Variants in DOCK2 observed in about 807,000 individuals in gnomAD.
The protein encoded by DOCK2 is dedicator of cytokinesis protein 2.
In DOCK2, 87 loss-of-function variants were observed where a neutral mutation model predicts 248.9. The observed-to-expected ratio is 0.35, with a 90% confidence interval of 0.29 to 0.42. The LOEUF (loss-of-function observed/expected upper bound fraction) is 0.42. Ranked by LOEUF, DOCK2 falls within the 10% of genes least tolerant of loss-of-function variation. The pLI is 1.00. For synonymous variants in DOCK2, 805 were observed against 821.6 expected, an observed-to-expected ratio of 0.98 and a Z score of 0.35; for missense variants, 1,747 against 2,300.2, an observed-to-expected ratio of 0.76 and a Z score of 4.92.
intron 2 of DOCK2, among the ~76,000 whole-genome samples, chr5:169,666,872 G>A (rs1758764184): frequency 6.6e-6 from 1 of 152,196 alleles, no homozygotes; most frequent in South Asian, 2.1e-4. Flanking sequence ...GAAGCATGTA[G>A]CCCAGTGCAA....
intron 1 of DOCK2, 27 bp from the exon 2 acceptor site, chr5:169,654,376 C>T (rs756543562): frequency 2.5e-6 from 4 of 1,613,106 alleles, no homozygotes; most frequent in Non-Finnish European, 3.4e-6. Flanking sequence ...GAGGTCTCAC[C>T]TAGCTGTCTT....
chr5:169,942,260 G>C (rs1776272327), intron 27 of DOCK2, among the ~76,000 whole-genome samples: 1 of 152,102 alleles, frequency 6.6e-6, no homozygotes, highest in Admixed American at 6.5e-5. Context: ...TATCTTCCTT[G>C]GTCTATTCTC....
intron 27 of DOCK2, among the ~76,000 whole-genome samples, chr5:169,850,996 C>A (rs1770594346): frequency 6.6e-6 from 1 of 152,194 alleles, no homozygotes; most frequent in African/African-American, 2.4e-5. Context: ...TCAGTTACAA[C>A]ATTACCACAT....
intron 30 of DOCK2, among the ~76,000 whole-genome samples, chr5:169,998,685 A>G (rs1461309563): frequency 6.6e-6 from 1 of 152,234 alleles, no homozygotes; most frequent in Admixed American, 6.5e-5. Context: ...AGTTGGGACC[A>G]GAACACAGTG....
rs1422409911 is a variant in DOCK2, at chr5:169,668,755, A to C, written c.128-533A>C. On this transcript the variant is annotated intron_variant, in intron 2 of 51. Coordinates refer to ENST00000520908, the MANE Select transcript of DOCK2 (RefSeq NM_004946.3). Reference sequence around the variant, plus strand: ...TCCCTGTCCCTTTATCTGTCCCTAAACTTACTTGTTTTGTAACGACTAACT... The same window carrying C: ...TCCCTGTCCCTTTATCTGTCCCTAACCTTACTTGTTTTGTAACGACTAACT... 3.3e-5 allele frequency among the ~76,000 whole-genome samples: 5 copies of C among 152,136 alleles called. No homozygotes were observed. In the East Asian group the frequency reaches 9.6e-4, roughly 29 times the overall value.
At chr5:169,896,398 T>G (rs1479121236) in intron 27 of DOCK2, among the ~76,000 whole-genome samples, 21 of 152,214 alleles carry the variant, frequency 1.4e-4, no homozygotes. Context: ...TAGATTTCAA[T>G]GCTGGCTCTG....
At chr5:169,901,618 AG>A (rs1773931199) in intron 27 of DOCK2, among the ~76,000 whole-genome samples, 1 of 152,216 alleles carries the variant, frequency 6.6e-6, no homozygotes, top group South Asian at 2.1e-4. Context: ...GGTAACAGTA[AG>A]ATGATGAGAA....
intron 13 of DOCK2, 150 bp downstream of exon 13, chr5:169,700,289 G>GT: frequency 8.4e-7 from 1 of 1,192,462 alleles, no homozygotes. Context: ...AATGATGTCT[G>GT]TATATCCAAA....
chr5:169,873,859 G>A (rs1772137912), intron 27 of DOCK2, among the ~76,000 whole-genome samples: 1 of 152,142 alleles, frequency 6.6e-6, no homozygotes, highest in African/African-American at 2.4e-5. Context: ...ACAGCTCTCT[G>A]GAGCCTCTCT....
chr5:170,065,105 C>G (rs1753082751), intron 44 of DOCK2, among the ~76,000 whole-genome samples: 1 of 151,974 alleles, frequency 6.6e-6, no homozygotes, highest in African/African-American at 2.4e-5. Context: ...ATTGTGACAT[C>G]TGAAACTTAA....
At chr5:169,832,640 C>T (rs1260079628) in intron 26 of DOCK2, among the ~76,000 whole-genome samples, 6 of 152,214 alleles carry the variant, frequency 3.9e-5, no homozygotes, top group African/African-American at 1.2e-4. Flanking sequence ...CACATTCCCT[C>T]TAAGGGCCAG....
chr5:169,689,555 G>T (rs751373269), intron 9 of DOCK2, among the ~76,000 whole-genome samples: 1 of 152,022 alleles, frequency 6.6e-6, no homozygotes, highest in African/African-American at 2.4e-5. Flanking sequence ...CTCCCTATCC[G>T]TCTCACTCCT....
chr5:169,896,821 A>G (rs1347832149), intron 27 of DOCK2, among the ~76,000 whole-genome samples: 1 of 152,222 alleles, frequency 6.6e-6, no homozygotes, highest in Admixed American at 6.5e-5. Flanking sequence ...AAGAGGATAA[A>G]TGTTTATAAT....
At chr5:169,842,037 T>C (rs578086462) in intron 27 of DOCK2, among the ~76,000 whole-genome samples, 1 of 152,354 alleles carries the variant, frequency 6.6e-6, no homozygotes, top group Admixed American at 6.5e-5. Context: ...CATGTGGGAT[T>C]GGACCATATA....
At chr5:169,728,561 C>G (rs1166381235) in intron 22 of DOCK2, among the ~76,000 whole-genome samples, 3 of 152,072 alleles carry the variant, frequency 2.0e-5, no homozygotes, top group African/African-American at 7.2e-5. Flanking sequence ...ACAGGGAGAT[C>G]ATGGGACTGG....
chr5:169,824,281 T>C (rs1032402115), intron 26 of DOCK2, among the ~76,000 whole-genome samples: 1 of 152,150 alleles, frequency 6.6e-6, no homozygotes, highest in African/African-American at 2.4e-5. Context: ...ACTTTAAAGT[T>C]CATGTGGAAA....
chr5:169,871,558 G>A (rs113512681), intron 27 of DOCK2, among the ~76,000 whole-genome samples: 120 of 152,272 alleles, frequency 7.9e-4, no homozygotes, highest in African/African-American at 2.5e-3. Context: ...TAAATATTCT[G>A]CCAAGGGCAT....
At chr5:169,931,382 C>G (rs947799821) in intron 27 of DOCK2, among the ~76,000 whole-genome samples, 1 of 152,166 alleles carries the variant, frequency 6.6e-6, no homozygotes, top group Non-Finnish European at 1.5e-5. Flanking sequence ...TTGATATTGC[C>G]GCCTCTCGGC....
chr5:169,978,189 C>A (rs1356804499), intron 27 of DOCK2, among the ~76,000 whole-genome samples: 1 of 152,064 alleles, frequency 6.6e-6, no homozygotes, highest in Non-Finnish European at 1.5e-5. Flanking sequence ...AGCAAGCTTC[C>A]GAAGTTGGCT....
Sources: allele counts gnomAD v4.1 joint callset (sites outside exome capture counted in the v4.1 genomes callset), GRCh38; gene constraint gnomAD v4.1.1; transcripts MANE v1.5; gene names NCBI Gene and HGNC (gene_info 2026-07-23, HGNC 2026-07-21).